The following CNTN1 variants were observed in gnomAD, a reference collection of about 807,000 sequenced individuals.
The protein encoded by CNTN1 is contactin 1, also known as contactin-1.
In CNTN1, 38 loss-of-function variants were observed where a neutral mutation model predicts 126.4. The ratio of observed to expected loss-of-function variants is 0.30; its 90% CI spans 0.23 to 0.39. The LOEUF (loss-of-function observed/expected upper bound fraction) is 0.39, where lower values mean the gene tolerates loss of function less well. Among genes scored for constraint, CNTN1 ranks in the 10% least tolerant of loss-of-function variants. The probability of loss-of-function intolerance (pLI) is 1.00; values close to 1 mark genes in which losing one functional copy is unlikely to be tolerated. For synonymous variants in CNTN1, 413 were observed against 422.6 expected (o/e 0.98, Z 0.28); for missense variants, 1,009 against 1,248.4 (o/e 0.81, Z 2.89).
intron 2 of CNTN1, 57 bp from the exon 3 acceptor site, chr12:40,910,015 GA>G: frequency 3.0e-6 from 4 of 1,326,748 alleles, no homozygotes; most frequent in Non-Finnish European, 3.3e-6. Flanking sequence ...AGTAATGTTT[GA>G]AACCACAATT....
chr12:40,807,038 T>C (rs983122529), intron 1 of CNTN1, among the ~76,000 whole-genome samples: 21 of 152,236 alleles, frequency 1.4e-4, no homozygotes, highest in African/African-American at 4.8e-4. Context: ...AGCCACACTA[T>C]ACCAAGCACA....
At position 41,051,886 on chromosome 12, in the gene CNTN1, CCACACAAACA is replaced by C. The variant is rs1949691986; in HGVS notation, c.2981-18066_2981-18057del. Among the ~76,000 whole-genome samples, 11 of 132,882 alleles carry C rather than the reference CCACACAAACA, an allele frequency of 8.3e-5. 1 individual carries two copies. In the Admixed American group the frequency reaches 8.5e-4, roughly 10 times the overall value. 87.2% of individuals were successfully genotyped at this position (132,882 alleles called of 152,430 possible). Reference sequence around the variant, plus strand: ...AACAGTTCATCTCCTAACATCCACCCCACACAAACACACACACACACACACACACACACAC... The same window carrying C: ...AACAGTTCATCTCCTAACATCCACCCCACACACACACACACACACACACAC... On this transcript the variant is annotated intron_variant, in intron 23 of 23. Transcript: ENST00000551295.
At chr12:41,065,810 C>G (rs1950039449) in intron 23 of CNTN1, among the ~76,000 whole-genome samples, 1 of 152,182 alleles carries the variant, frequency 6.6e-6, no homozygotes, top group South Asian at 2.1e-4. Flanking sequence ...GGTAGTGTTT[C>G]CTGTGAACTT....
chr12:40,993,575 G>A (rs1212069216), intron 17 of CNTN1, among the ~76,000 whole-genome samples: 1 of 147,776 alleles, frequency 6.8e-6, no homozygotes, highest in Non-Finnish European at 1.5e-5. Flanking sequence ...TTGGAATGAC[G>A]TAAGTATTTA....
intron 1 of CNTN1, among the ~76,000 whole-genome samples, chr12:40,804,888 G>T (rs1415547422): frequency 6.6e-6 from 1 of 151,626 alleles, no homozygotes; most frequent in Non-Finnish European, 1.5e-5. Flanking sequence ...TATTTTGCCT[G>T]CATTTTTGAA....
chr12:41,004,448 A>G (rs571432200), intron 17 of CNTN1, among the ~76,000 whole-genome samples: 2 of 152,202 alleles, frequency 1.3e-5, no homozygotes. Context: ...GTAGGTATCT[A>G]TCAGGTCCAT....
intron 1 of CNTN1, among the ~76,000 whole-genome samples, chr12:40,791,467 G>T (rs1940217991): frequency 2.0e-5 from 3 of 152,022 alleles, no homozygotes; most frequent in Admixed American, 2.0e-4. Flanking sequence ...AATACATGTG[G>T]GCACTGAATT....
At chr12:40,724,228 G>A (rs1942294913) in intron 1 of CNTN1, among the ~76,000 whole-genome samples, 1 of 152,144 alleles carries the variant, frequency 6.6e-6, no homozygotes, top group African/African-American at 2.4e-5. Flanking sequence ...GATACTAGGA[G>A]AAGTTTGCTA....
intron 1 of CNTN1, among the ~76,000 whole-genome samples, chr12:40,797,894 A>G (rs1940502182): frequency 2.0e-5 from 3 of 152,062 alleles, no homozygotes; most frequent in Non-Finnish European, 4.4e-5. Context: ...GAGAATAGGG[A>G]GAACTGGAAG....
intron 15 of CNTN1, among the ~76,000 whole-genome samples, chr12:40,966,659 T>C (rs1001227016): frequency 1.3e-5 from 2 of 152,176 alleles, no homozygotes; most frequent in Non-Finnish European, 2.9e-5. Context: ...AATTTGAAAT[T>C]GTATTTTTCA....
rs371923312 is a variant in CNTN1 at position 41,013,291 on chromosome 12, A to G, written c.2114-937A>G. On this transcript the variant is annotated intron_variant, in intron 17 of 23. Coordinates refer to ENST00000551295, the MANE Select transcript of CNTN1 (RefSeq NM_001843.4). Reference sequence around the variant, plus strand: ...AGGGAAGATGGAGCCGCCATCTTGAACATGTGTAGTCCATAGTTCCTGCCG... The same window carrying G: ...AGGGAAGATGGAGCCGCCATCTTGAGCATGTGTAGTCCATAGTTCCTGCCG... Among the ~76,000 whole-genome samples, 11 of 152,290 alleles carry G rather than the reference A, an allele frequency of 7.2e-5. No individual in the cohort carries two copies. In the East Asian group the frequency reaches 1.4e-3, roughly 19 times the overall value.
chr12:41,013,446 A>G (rs1243435625), intron 17 of CNTN1, among the ~76,000 whole-genome samples: 1 of 151,682 alleles, frequency 6.6e-6, no homozygotes, highest in Non-Finnish European at 1.5e-5. Context: ...GGACTCCCAT[A>G]CCCTTACTTT....
At position 40,951,864 on chromosome 12, in the gene CNTN1, A is replaced by G. The variant is rs569458753; in HGVS notation, c.1684-7250A>G. Among the ~76,000 whole-genome samples the G allele has an allele frequency of 5.9e-5, 9 of 152,110 alleles. No homozygotes were observed. In the East Asian group the frequency reaches 1.5e-3, roughly 26 times the overall value. ...AGTTGAGTAGTATTGATATCATAAT[A>G]TCCGGAATTTATTTTTCAAGTGTTC... On this transcript the variant is annotated intron_variant, in intron 14 of 23. Coordinates refer to ENST00000551295, the MANE Select transcript of CNTN1 (RefSeq NM_001843.4).
rs1483621913 is a variant in CNTN1, at chr12:40,758,095, G to T, written c.-77+65503G>T. Among the ~76,000 whole-genome samples the T allele has an allele frequency of 1.0e-4, 15 of 150,646 alleles. No homozygotes were observed. In the East Asian group the frequency reaches 2.1e-3, roughly 21 times the overall value. Reference sequence around the variant, plus strand: ...ACTTTAATTTGGTGCCTTAGAGAAAGAAATTTTTTCCACATTGTAGATAGT... The same window carrying T: ...ACTTTAATTTGGTGCCTTAGAGAAATAAATTTTTTCCACATTGTAGATAGT... On this transcript the variant is annotated intron_variant, in intron 1 of 23. Coordinates refer to ENST00000551295, the MANE Select transcript of CNTN1 (RefSeq NM_001843.4).
intron 1 of CNTN1, among the ~76,000 whole-genome samples, chr12:40,715,757 G>A (rs550018439): frequency 2.6e-5 from 4 of 152,226 alleles, no homozygotes; most frequent in Admixed American, 1.3e-4. Flanking sequence ...ACTAGTAAAT[G>A]CACCCTTGAG....
chr12:40,934,262 A>G (rs1332663343), intron 9 of CNTN1, among the ~76,000 whole-genome samples: 3 of 151,986 alleles, frequency 2.0e-5, no homozygotes, highest in Non-Finnish European at 4.4e-5. Flanking sequence ...GCATGCATCA[A>G]AATCACATGG....
At chr12:40,718,837 T>C (rs1329758224) in intron 1 of CNTN1, among the ~76,000 whole-genome samples, 1 of 152,140 alleles carries the variant, frequency 6.6e-6, no homozygotes, top group African/African-American at 2.4e-5. Context: ...CCTACTGTTA[T>C]CTTTATTTGA....
At chr12:40,930,458 T>A (rs1945845202) in intron 7 of CNTN1, among the ~76,000 whole-genome samples, 1 of 151,976 alleles carries the variant, frequency 6.6e-6, no homozygotes, top group Non-Finnish European at 1.5e-5. Context: ...ATGATACAAA[T>A]AAGTAAATAA....
intron 23 of CNTN1, among the ~76,000 whole-genome samples, chr12:41,048,885 T>A (rs1183070678): frequency 1.3e-5 from 2 of 152,190 alleles, no homozygotes; most frequent in African/African-American, 2.4e-5. Context: ...AAATAATTTA[T>A]CATCTTCACC....
Sources: gnomAD v4.1 joint callset for allele counts (sites outside exome capture counted in the v4.1 genomes callset) on GRCh38, gnomAD v4.1.1 for gene constraint, MANE v1.5 for transcripts, NCBI Gene and HGNC (gene_info 2026-07-23, HGNC 2026-07-21) for gene names.